Variants in SLC30A5 observed in about 807,000 individuals in gnomAD.
SLC30A5 encodes proton-coupled zinc antiporter SLC30A5.
A neutral mutation model predicts 79.6 loss-of-function variants in SLC30A5; 33 were observed. That is an observed-to-expected ratio of 0.41 (90% confidence interval 0.31 to 0.55). The LOEUF (loss-of-function observed/expected upper bound fraction) is 0.55. Ranked by LOEUF, SLC30A5 falls within the 20% of genes least tolerant of loss-of-function variation. SLC30A5 has a pLI of 0.20. For synonymous variants in SLC30A5, 299 were observed against 319.7 expected (o/e 0.94, Z 0.69); for missense variants, 788 against 928.1 (o/e 0.85, Z 1.96).
rs1277937499 is a variant in SLC30A5, at chr5:69,116,556, A to G, written c.1235A>G (p.Glu412Gly). Residue 412 changes from glutamate (E) to glycine (G), a missense_variant, in exon 10 of 16, where the codon GAG becomes GGG. Around this residue, in one of 3 missense-constraint regions of SLC30A5, gnomAD observed 626 missense variants for 755.5 expected, o/e 0.83. Transcript: ENST00000396591. This position sits in a 1 kb window ranked among gnomAD's most constrained non-coding sequence, Gnocchi z 4.0. ...FIKESLKQILEESDSRQIFYF... is the reference protein window; with the variant it reads ...FIKESLKQILGESDSRQIFYF... ...AAGGAATCACTAAAACAAATTCTTGAGGAGAGTGACTCTAGGCAGATCTTT... is the reference window on the plus strand; with the variant it reads ...AAGGAATCACTAAAACAAATTCTTGGGGAGAGTGACTCTAGGCAGATCTTT... 1.9e-6 allele frequency: 3 copies of G among 1,609,750 alleles called. No individual in the cohort carries two copies. The highest frequency in any genetic ancestry group is 2.5e-6 in the Non-Finnish European group (3 of 1,178,798).
chr5:69,118,038 G>C (rs1483568791), intron 11 of SLC30A5, among the ~76,000 whole-genome samples: 1 of 147,472 alleles, frequency 6.8e-6, no homozygotes, highest in Non-Finnish European at 1.5e-5. Context: ...TTAGCCGGGC[G>C]TAGTGGCAGG....
rs778406156 is a variant in SLC30A5, at chr5:69,116,011, C to T, written c.869C>T (p.Ser290Phe). The change falls in exon 9 of 16, where the codon TCC (serine) becomes TTC (phenylalanine). Residue 290 changes from serine (S) to phenylalanine (F), a missense_variant. Physicochemically the swap from Ser to Phe is radical, Grantham distance 155. Around this residue, in one of 3 missense-constraint regions of SLC30A5, gnomAD observed 626 missense variants for 755.5 expected, o/e 0.83. Coordinates refer to ENST00000396591, the MANE Select transcript of SLC30A5 (RefSeq NM_022902.5). The surrounding 1 kb of genome is among the most constrained non-coding windows in gnomAD (Gnocchi z 4.0). ...ATGATCCTGGATTTCTACGTGGATT[C>T]CATTTGTTCAGTCAAAATGGAAGTT... ...FVMILDFYVD[S>F]ICSVKMEVSK... 2 of 1,613,768 alleles carry T rather than the reference C, an allele frequency of 1.2e-6. No individual in the cohort carries two copies. Among genetic ancestry groups the T allele is most frequent in the Non-Finnish European group, 1.7e-6 (2 of 1,179,932 alleles).
chr5:69,118,421 T>G (rs1746445472), intron 11 of SLC30A5, 78 bp from the exon 12 acceptor site: 35 of 1,271,754 alleles, frequency 2.8e-5, no homozygotes, highest in Non-Finnish European at 3.0e-5. Context: ...AAATTTGGAC[T>G]TGTTTCCTCA....
Position 69,129,452 on chromosome 5 carries a change from A to G in SLC30A5, c.2133A>G (p.Thr711=), listed in dbSNP as rs750234359. The change falls in exon 16 of 16, where the codon ACA becomes ACG. Residue 711 remains threonine (T), a synonymous_variant. Transcript: ENST00000396591. ...VLEQRIVQQV[T]GILKDAGVNN... ...TATCTGGATTTTTATAACAGGTTAC[A>G]GGAATACTTAAAGATGCTGGAGTAA... 2.5e-5 allele frequency: 40 copies of G among 1,610,264 alleles called. No homozygotes were observed. Among genetic ancestry groups the G allele is most frequent in the Admixed American group, 1.3e-4 (8 of 59,618 alleles).
intron 13 of SLC30A5, among the ~76,000 whole-genome samples, chr5:69,122,364 G>C (rs1260929572): frequency 6.6e-6 from 1 of 152,120 alleles, no homozygotes; most frequent in Non-Finnish European, 1.5e-5. Flanking sequence ...TTTTTAAAAA[G>C]AAAATGAGGC....
intron 3 of SLC30A5, 79 bp from the exon 4 acceptor site, chr5:69,104,552 T>C: frequency 6.9e-7 from 1 of 1,442,108 alleles, no homozygotes. Flanking sequence ...TTATTATCTT[T>C]CTGTATTTTA....
chr5:69,130,309 T>C lies in SLC30A5; in HGVS notation c.*692T>C, dbSNP rs1449202146. 3 of 152,204 alleles carry C rather than the reference T, an allele frequency of 2.0e-5. No individual in the cohort carries two copies. The highest frequency in any genetic ancestry group is 7.2e-5 in the African/African-American group (3 of 41,464). The allele number at this position is 152,204 out of a possible 1,614,324, so 9.4% of individuals were successfully genotyped here. ...TTAATTTATTAGGGTAAAGAACTTA[T>C]ACTAAGTTGTGTCCATGTTATTCAT... On this transcript the variant is annotated 3_prime_UTR_variant, in exon 16 of 16. Coordinates refer to ENST00000396591, the MANE Select transcript of SLC30A5 (RefSeq NM_022902.5).
rs530502630 is a variant in SLC30A5, at chr5:69,117,393, A to T, written c.1436A>T (p.Tyr479Phe). 5.0e-6 allele frequency: 8 copies of T among 1,613,938 alleles called. No homozygotes were observed. In the African/African-American group the frequency reaches 1.1e-4, roughly 22 times the overall value. ...TGGAAAGCCACTCGGATTTTCTCCTATGGGTAGGTACATTGACTGTCGAGG... is the reference window on the plus strand; with the variant it reads ...TGGAAAGCCACTCGGATTTTCTCCTTTGGGTAGGTACATTGACTGTCGAGG... ...SRWKATRIFS[Y>F]GYGRIEILSG... is the part of the protein sequence containing the mutation. The change falls in exon 11 of 16, where the codon TAT (tyrosine) becomes TTT (phenylalanine). Residue 479 changes from tyrosine to phenylalanine, a missense_variant. By Grantham distance (22) the Tyr-to-Phe change is conservative. This residue lies in a region of SLC30A5 where 626 missense variants were observed against 755.5 expected (regional missense o/e 0.83). Coordinates refer to ENST00000396591, the MANE Select transcript of SLC30A5 (RefSeq NM_022902.5).
chr5:69,127,929 C>A, intron 14 of SLC30A5, 75 bp from the exon 15 acceptor site: 1 of 1,262,608 alleles, frequency 7.9e-7, no homozygotes, highest in South Asian at 1.3e-5. Context: ...TGTTTACTTT[C>A]TGTCAGAAAG....
chr5:69,100,544 G>A (rs1328628819), intron 1 of SLC30A5, among the ~76,000 whole-genome samples: 1 of 151,412 alleles, frequency 6.6e-6, no homozygotes, highest in Non-Finnish European at 1.5e-5. Flanking sequence ...ACCAAGGCTG[G>A]AGGATCGCTT....
In SLC30A5 at chr5:69,119,789, G is replaced by A. The variant is rs569620614; in HGVS notation, c.1569+1161G>A. On this transcript the variant is annotated intron_variant, in intron 12 of 15. Transcript: ENST00000396591. The stretch of plus-strand genomic sequence containing the variant: ...AATCCCAGCACTTTGGGAGGCCGAG[G>A]TGGTTGGATCACCTGAGGTCAGGAG... 1.7e-3 allele frequency among the ~76,000 whole-genome samples: 266 copies of A among 152,188 alleles called. 3 individuals carry two copies. The Middle Eastern group carries it at 0.024, about 14-fold the overall frequency.
At chr5:69,097,109 CTTTTT>C (rs1228027917) in intron 1 of SLC30A5, among the ~76,000 whole-genome samples, 2 of 87,948 alleles carry the variant, frequency 2.3e-5, no homozygotes, top group Admixed American at 1.5e-4. Context: ...CTCTCTTTTT[CTTTTT>C]TTTTTTTTTT....
rs1175326575 is a variant in SLC30A5, at chr5:69,104,300, G to C, written c.274-331G>C. On this transcript the variant is annotated intron_variant, in intron 3 of 15. Transcript: ENST00000396591. ...TTACAGGCACCCACCACCACACCCAGCTCATTTTTGTATTTTTAGTAGAGA... is the reference window on the plus strand; with the variant it reads ...TTACAGGCACCCACCACCACACCCACCTCATTTTTGTATTTTTAGTAGAGA... The C allele has an allele frequency of 2.4e-5, 12 of 495,578 alleles. No homozygotes were observed. In the South Asian group the frequency reaches 3.3e-4, roughly 14 times the overall value. The allele number at this position is 495,578 out of a possible 1,614,324, so 30.7% of individuals were successfully genotyped here. A position where few individuals can be genotyped will look rare whatever the true frequency, so the allele number is the denominator to read the frequency against.
chr5:69,107,488 C>T (rs1348262413), intron 4 of SLC30A5, among the ~76,000 whole-genome samples: 1 of 152,070 alleles, frequency 6.6e-6, no homozygotes. Flanking sequence ...AAACCAGTAG[C>T]ATAGTCATTT....
At chr5:69,109,541 A>G (rs1746174282) in intron 5 of SLC30A5, among the ~76,000 whole-genome samples, 1 of 152,114 alleles carries the variant, frequency 6.6e-6, no homozygotes, top group Non-Finnish European at 1.5e-5. Context: ...CATCACCACA[A>G]TGATCTCTTT....
At chr5:69,107,314 A>G (rs773579182) in intron 4 of SLC30A5, among the ~76,000 whole-genome samples, 9 of 152,134 alleles carry the variant, frequency 5.9e-5, no homozygotes, top group Non-Finnish European at 1.3e-4. Context: ...TCCTATAACA[A>G]TGCCTTCTTC....
At chr5:69,106,127 T>G (rs1201344994) in intron 4 of SLC30A5, among the ~76,000 whole-genome samples, 10 of 152,132 alleles carry the variant, frequency 6.6e-5, no homozygotes, top group Non-Finnish European at 7.4e-5. Flanking sequence ...TCATGGCCAA[T>G]AGAATAGCTT....
chr5:69,127,947 A>G (rs1045271800), intron 14 of SLC30A5, 57 bp from the exon 15 acceptor site: 2 of 1,455,896 alleles, frequency 1.4e-6, no homozygotes, highest in African/African-American at 1.4e-5. Context: ...AAGCATCTCC[A>G]TTGTGTTGTG....
intron 2 of SLC30A5, 142 bp downstream of exon 2, chr5:69,101,071 G>A: frequency 1.3e-6 from 1 of 763,526 alleles, no homozygotes; most frequent in Non-Finnish European, 2.0e-6. Flanking sequence ...TTAACTGGGA[G>A]TATACTTAAG....
Sources: allele counts gnomAD v4.1 joint callset (sites outside exome capture counted in the v4.1 genomes callset), GRCh38; gene constraint gnomAD v4.1.1; regional missense constraint gnomAD v4.1.1; non-coding constraint Gnocchi (gnomAD v3.1); transcripts MANE v1.5; gene names NCBI Gene and HGNC (gene_info 2026-07-23, HGNC 2026-07-21).